GRHL2: variants seen among roughly 807,000 people sequenced by gnomAD.
GRHL2 encodes grainyhead like transcription factor 2.
Under a neutral mutation model 83.8 loss-of-function variants are expected in GRHL2, and 21 were observed. The observed-to-expected ratio is 0.25, with a 90% CI of 0.18 to 0.36. GRHL2 has a LOEUF of 0.36. Among genes scored for constraint, GRHL2 ranks in the 10% least tolerant of loss-of-function variants. The pLI is 1.00. For missense variants in GRHL2, 623 were observed against 781.8 expected, an observed-to-expected ratio of 0.80 and a Z score of 2.42; for synonymous variants, 280 against 278.9, an observed-to-expected ratio of 1.00 and a Z score of -0.04.
chr8:101,516,195 T>A (rs1810568803), intron 1 of GRHL2, among the ~76,000 whole-genome samples: 1 of 152,190 alleles, frequency 6.6e-6, no homozygotes, highest in Non-Finnish European at 1.5e-5. Flanking sequence ...GGTTGACAAC[T>A]GACAACCACA....
chr8:101,643,558 C>G (rs1371803666), intron 12 of GRHL2, among the ~76,000 whole-genome samples: 4 of 152,152 alleles, frequency 2.6e-5, no homozygotes, highest in Non-Finnish European at 5.9e-5. Flanking sequence ...GGAGCAAAGG[C>G]CTGGGCAGCC....
chr8:101,664,010 T>A (rs894952887), intron 14 of GRHL2, among the ~76,000 whole-genome samples: 2 of 152,222 alleles, frequency 1.3e-5, no homozygotes, highest in Non-Finnish European at 2.9e-5. Flanking sequence ...TTCCTTACTT[T>A]AAGATGACAG....
intron 2 of GRHL2, chr8:101,543,770 A>G (rs549233012): frequency 2.0e-5 from 7 of 348,264 alleles, no homozygotes; most frequent in Admixed American, 4.1e-5. Context: ...TTGCTGAATG[A>G]AGTATATTAC....
intron 12 of GRHL2, among the ~76,000 whole-genome samples, chr8:101,643,852 A>T (rs536758679): frequency 8.8e-4 from 134 of 152,322 alleles, no homozygotes; most frequent in African/African-American, 2.7e-3. Context: ...TGTAGGACGG[A>T]GTGGGTAAAA....
intron 7 of GRHL2, among the ~76,000 whole-genome samples, chr8:101,587,652 A>AT (rs1049046620): frequency 2.6e-4 from 40 of 151,948 alleles, no homozygotes; most frequent in African/African-American, 9.2e-4. Flanking sequence ...GGACCTCATT[A>AT]TTTTCTTTTT....
intron 9 of GRHL2, among the ~76,000 whole-genome samples, chr8:101,624,548 G>GACAGTACACAGTAGA (rs753199800): frequency 8.4e-6 from 1 of 118,928 alleles, no homozygotes; most frequent in Non-Finnish European, 1.9e-5. Context: ...TACACAGTAG[G>GACAGTACACAGTAGA]ACAGTACACA....
Position 101,619,707 on chromosome 8 carries a change from G to A in GRHL2, c.1257+10G>A, listed in dbSNP as rs1033821976. 1.9e-6 allele frequency: 3 copies of A among 1,604,618 alleles called. No individual in the cohort carries two copies. Among genetic ancestry groups the A allele is most frequent in the South Asian group, 1.1e-5 (1 of 90,820 alleles). ...GGTCTTCTGTGACAAAGTGAGTAAA[G>A]ATGACAGTTTTTTATAAAGGTATCT... is the stretch of plus-strand genomic sequence containing the variant. On this transcript the variant is annotated intron_variant, in intron 9 of 15. Transcript: ENST00000646743.
intron 1 of GRHL2, among the ~76,000 whole-genome samples, chr8:101,501,198 G>A (rs570097998): frequency 6.6e-6 from 1 of 152,320 alleles, no homozygotes; most frequent in South Asian, 2.1e-4. Flanking sequence ...CAATGCCTGT[G>A]GTAGATGAAG....
rs1814095824 is a variant in GRHL2, at chr8:101,667,439, A to G, written c.*736A>G. The G allele has an allele frequency of 6.5e-6, 1 of 153,122 alleles. No individual in the cohort carries two copies. Among genetic ancestry groups the G allele is most frequent in the Admixed American group, 6.5e-5 (1 of 15,354 alleles). 9.5% of individuals were successfully genotyped at this position (153,122 alleles called of 1,614,324 possible). ...GAGACACAGACCTGGAGACCGTTTT[A>G]ATGGGGGTTTTTGCCTCTGTGCCTG... On this transcript the variant is annotated 3_prime_UTR_variant, in exon 16 of 16. Coordinates refer to ENST00000646743, the MANE Select transcript of GRHL2 (RefSeq NM_024915.4).
intron 2 of GRHL2, 61 bp from the exon 3 acceptor site, chr8:101,552,654 C>T (rs200007281): frequency 6.7e-7 from 1 of 1,503,548 alleles, no homozygotes; most frequent in African/African-American, 1.4e-5. Context: ...CGGTGTCCAG[C>T]TCTGAACATG....
At chr8:101,659,850 A>T (rs1448922395) in intron 14 of GRHL2, among the ~76,000 whole-genome samples, 2 of 152,238 alleles carry the variant, frequency 1.3e-5, no homozygotes, top group African/African-American at 4.8e-5. Flanking sequence ...TAAGATGTTC[A>T]AGGAAACTTT....
intron 8 of GRHL2, among the ~76,000 whole-genome samples, chr8:101,608,593 C>CTTTTTTTTTTATTTTTT (rs1435861274): frequency 0.032 from 4,794 of 152,190 alleles, 202 homozygotes; most frequent in African/African-American, 0.095. Flanking sequence ...GAGGCAGCTC[C>CTTTTTTTTTTATTTTTT]ATTTTTTATT....
At chr8:101,654,580 A>T (rs1291309795) in intron 14 of GRHL2, among the ~76,000 whole-genome samples, 3 of 152,180 alleles carry the variant, frequency 2.0e-5, no homozygotes, top group Admixed American at 2.0e-4. Flanking sequence ...ACGAACAAAG[A>T]GTTTTCTTTA....
At position 101,647,066 on chromosome 8, in the gene GRHL2, A is replaced by C. The variant is rs576827647; in HGVS notation, c.1613-2348A>C. Among the ~76,000 whole-genome samples the C allele has an allele frequency of 1.4e-4, 22 of 152,360 alleles. No individual in the cohort carries two copies. In the South Asian group the frequency reaches 4.6e-3, roughly 32 times the overall value. ...TTCAAAAGAGGAGATTTGTAAATCCAGTGGAAGCAGTACTCATAATAGAAA... is the reference window on the plus strand; with the variant it reads ...TTCAAAAGAGGAGATTTGTAAATCCCGTGGAAGCAGTACTCATAATAGAAA... On this transcript the variant is annotated intron_variant, in intron 13 of 15. Transcript: ENST00000646743.
At chr8:101,611,141 G>A (rs1812741209) in intron 8 of GRHL2, among the ~76,000 whole-genome samples, 1 of 150,992 alleles carries the variant, frequency 6.6e-6, no homozygotes, top group Non-Finnish European at 1.5e-5. Flanking sequence ...TTCATCCCGG[G>A]ATTAGTTTTA....
At chr8:101,610,635 C>A (rs982540658) in intron 8 of GRHL2, among the ~76,000 whole-genome samples, 1 of 150,874 alleles carries the variant, frequency 6.6e-6, no homozygotes, top group South Asian at 2.1e-4. Flanking sequence ...GTCACAGTAC[C>A]AACGTAGGGG....
chr8:101,518,450 A>C (rs2130035290), intron 1 of GRHL2, among the ~76,000 whole-genome samples: 1 of 152,206 alleles, frequency 6.6e-6, no homozygotes, highest in Middle Eastern at 3.4e-3. Flanking sequence ...TAGTATAGGG[A>C]TGGGCAGCCA....
At chr8:101,619,516 C>T (rs1180130528) in intron 8 of GRHL2, 23 bp from the exon 9 acceptor site, 1 of 1,612,452 alleles carries the variant, frequency 6.2e-7, no homozygotes, top group Admixed American at 1.7e-5. Flanking sequence ...GACTTGTGAA[C>T]TTTTTCTTTC....
At chr8:101,671,804 C>T (rs890831991), downstream of GRHL2, among the ~76,000 whole-genome samples, 1 of 152,216 alleles carries the variant, frequency 6.6e-6, no homozygotes, top group African/African-American at 2.4e-5. Flanking sequence ...GGCAGACTGA[C>T]ATCTCATATG....
Sources: gnomAD v4.1 joint callset for allele counts (sites outside exome capture counted in the v4.1 genomes callset) on GRCh38, gnomAD v4.1.1 for gene constraint, MANE v1.5 for transcripts, NCBI Gene and HGNC (gene_info 2026-07-23, HGNC 2026-07-21) for gene names.